Variants in NTM observed in about 807,000 individuals in gnomAD.
The protein encoded by NTM is neurotrimin.
A neutral mutation model predicts 42.1 loss-of-function variants in NTM; 13 were observed. The observed-to-expected ratio is 0.31, with a 90% CI of 0.20 to 0.49. The LOEUF (loss-of-function observed/expected upper bound fraction) is 0.49, where lower values mean the gene tolerates loss of function less well. Ranked by LOEUF, NTM falls within the 20% of genes least tolerant of loss-of-function variation. The pLI is 0.99. For missense variants in NTM, 373 were observed against 452.8 expected, an observed-to-expected ratio of 0.82 and a Z score of 1.60; for synonymous variants, 187 against 179.2, an observed-to-expected ratio of 1.04 and a Z score of -0.35.
intron 4 of NTM, among the ~76,000 whole-genome samples, chr11:132,213,880 G>T (rs367559390): frequency 8.7e-6 from 1 of 115,178 alleles, no homozygotes; most frequent in East Asian, 2.0e-4. Context: ...GACTACAGGC[G>T]CCCGCCACTA....
At chr11:131,434,236 C>G (rs184895337) in intron 1 of NTM, among the ~76,000 whole-genome samples, 1 of 152,120 alleles carries the variant, frequency 6.6e-6, no homozygotes, top group South Asian at 2.1e-4. Context: ...TGAATAGTGC[C>G]GCAGTAAACA....
At chr11:132,229,676 A>C (rs372662421) in intron 4 of NTM, among the ~76,000 whole-genome samples, 3 of 152,172 alleles carry the variant, frequency 2.0e-5, no homozygotes, top group East Asian at 1.9e-4. Flanking sequence ...TGAATTCATG[A>C]CAATCTGTAG....
chr11:131,703,945 AG>A (rs1272755795), intron 1 of NTM, among the ~76,000 whole-genome samples: 4 of 151,992 alleles, frequency 2.6e-5, no homozygotes, highest in African/African-American at 9.7e-5. Context: ...CAGCCCCCAC[AG>A]CTCCAGCCTC....
At position 132,146,712 on chromosome 11, in the gene NTM, G is replaced by A. The variant is rs918667589; in HGVS notation, c.400+198G>A. 6.3e-6 allele frequency: 3 copies of A among 473,740 alleles called. No homozygotes were observed. The highest frequency in any genetic ancestry group is 7.3e-6 in the Non-Finnish European group (2 of 273,960). 29.3% of individuals were successfully genotyped at this position (473,740 alleles called of 1,614,324 possible). A position where few individuals can be genotyped will look rare whatever the true frequency, so the allele number is the denominator to read the frequency against. ...TTTTCATTGAGTGGAACTAGGAATT[G>A]TTTTTTTCATTTTTGTTCCAATAAT... On this transcript the variant is annotated intron_variant, in intron 3 of 8. Coordinates refer to ENST00000683400, the MANE Select transcript of NTM (RefSeq NM_001352005.2). The surrounding 1 kb of genome is among the most constrained non-coding windows in gnomAD (Gnocchi z 4.5).
At chr11:131,466,163 G>A (rs796176343) in intron 1 of NTM, among the ~76,000 whole-genome samples, 7 of 152,304 alleles carry the variant, frequency 4.6e-5, no homozygotes, top group South Asian at 2.1e-4. Flanking sequence ...GATTGTGCCC[G>A]TCGAAGGAGC....
intron 1 of NTM, among the ~76,000 whole-genome samples, chr11:131,897,763 G>A (rs2052534391): frequency 6.6e-6 from 1 of 151,974 alleles, no homozygotes; most frequent in Non-Finnish European, 1.5e-5. Flanking sequence ...CACTTTTTTT[G>A]TTTGCTCATA....
chr11:131,558,403 G>A (rs900510027), intron 1 of NTM, among the ~76,000 whole-genome samples: 4 of 152,092 alleles, frequency 2.6e-5, no homozygotes, highest in African/African-American at 9.7e-5. Flanking sequence ...CAGACAGGGA[G>A]GCCTGTTTTC....
intron 2 of NTM, among the ~76,000 whole-genome samples, chr11:132,125,306 G>A (rs1183529683): frequency 6.6e-6 from 1 of 151,298 alleles, no homozygotes; most frequent in African/African-American, 2.4e-5. Context: ...TGTGTGTGTG[G>A]TGTGGTATGT....
intron 1 of NTM, among the ~76,000 whole-genome samples, chr11:131,408,299 A>G (rs1946030079): frequency 6.6e-6 from 1 of 152,194 alleles, no homozygotes; most frequent in Non-Finnish European, 1.5e-5. Flanking sequence ...TCCTGCCTGT[A>G]AGAAGCTTAC....
At chr11:132,173,906 C>T (rs1044365204) in intron 3 of NTM, among the ~76,000 whole-genome samples, 5 of 152,174 alleles carry the variant, frequency 3.3e-5, no homozygotes, top group African/African-American at 9.7e-5. Flanking sequence ...TGTCTCCAGC[C>T]TCCCACTTTC....
At chr11:132,268,670 C>CTGTGTG (rs780327988) in intron 4 of NTM, among the ~76,000 whole-genome samples, 39 of 146,386 alleles carry the variant, frequency 2.7e-4, no homozygotes, top group African/African-American at 6.6e-4. Flanking sequence ...CTCTCTCTCT[C>CTGTGTG]TGTGTGTGTG....
intron 3 of NTM, among the ~76,000 whole-genome samples, chr11:132,186,004 G>A (rs998515865): frequency 8.5e-5 from 13 of 152,178 alleles, no homozygotes; most frequent in African/African-American, 2.7e-4. Context: ...CCTAGAAATG[G>A]GGGATTACGG....
At chr11:131,582,292 A>T (rs188026472) in intron 1 of NTM, 7 of 152,384 alleles carry the variant, frequency 4.6e-5, no homozygotes, top group Admixed American at 2.6e-4. Flanking sequence ...GCCGACTGGC[A>T]CCAAGCGGCA....
intron 1 of NTM, among the ~76,000 whole-genome samples, chr11:131,642,143 C>T (rs181512238): frequency 3.7e-4 from 56 of 152,292 alleles, no homozygotes; most frequent in Middle Eastern, 3.4e-3. Flanking sequence ...TCCTGACACA[C>T]GGCAGCCACT....
intron 1 of NTM, among the ~76,000 whole-genome samples, chr11:131,693,987 G>C (rs1375648023): frequency 6.6e-6 from 1 of 152,212 alleles, no homozygotes; most frequent in East Asian, 1.9e-4. Flanking sequence ...GTCACTAGGA[G>C]AGAGATTGCA....
chr11:132,153,655 T>A (rs949618985), intron 3 of NTM, among the ~76,000 whole-genome samples: 3 of 152,162 alleles, frequency 2.0e-5, no homozygotes, highest in Admixed American at 1.3e-4. Context: ...CGTAGCTTCT[T>A]AGGACATAGG....
At chr11:132,250,608 TC>T (rs796242536) in intron 4 of NTM, among the ~76,000 whole-genome samples, 78 of 152,040 alleles carry the variant, frequency 5.1e-4, no homozygotes, top group African/African-American at 1.6e-3. Context: ...TTTTTTTTTT[TC>T]GTTACTTAAC....
At chr11:131,787,276 TGA>T (rs1217006983) in intron 1 of NTM, among the ~76,000 whole-genome samples, 1 of 151,020 alleles carries the variant, frequency 6.6e-6, no homozygotes, top group Non-Finnish European at 1.5e-5. Context: ...AATATTTAAA[TGA>T]TATATTTGTG....
chr11:131,877,541 T>A (rs890374238), intron 1 of NTM: 1 of 152,142 alleles, frequency 6.6e-6, no homozygotes, highest in African/African-American at 2.4e-5. Flanking sequence ...CCCCCACCCC[T>A]ATTCCACCCA....
Sources: allele counts gnomAD v4.1 joint callset (sites outside exome capture counted in the v4.1 genomes callset), GRCh38; gene constraint gnomAD v4.1.1; non-coding constraint Gnocchi (gnomAD v3.1); transcripts MANE v1.5; gene names NCBI Gene and HGNC (gene_info 2026-07-23, HGNC 2026-07-21).